The following ADARB2 variants were observed in gnomAD, a reference collection of about 807,000 sequenced individuals.
ADARB2 encodes the protein inactive double-stranded RNA-specific editase B2.
ADARB2 carries 25 observed loss-of-function variants against 62.2 expected under a neutral mutation model. That is an observed-to-expected ratio of 0.40 (90% CI 0.29 to 0.56). ADARB2 has a LOEUF of 0.56. Ranked by LOEUF, ADARB2 falls within the 20% of genes least tolerant of loss-of-function variation. The probability of loss-of-function intolerance (pLI) is 0.43; values close to 1 mark genes in which losing one functional copy is unlikely to be tolerated. For missense variants in ADARB2, 1,071 were observed against 1,077.4 expected, an observed-to-expected ratio of 0.99 and a Z score of 0.08; for synonymous variants, 572 against 500.8, an observed-to-expected ratio of 1.14 and a Z score of -1.90.
intron 1 of ADARB2, among the ~76,000 whole-genome samples, chr10:1,608,130 T>A (rs1684050556): frequency 6.6e-6 from 1 of 152,206 alleles, no homozygotes; most frequent in Non-Finnish European, 1.5e-5. Flanking sequence ...ACAAGATCCA[T>A]GCAAATGGAA....
At chr10:1,732,398 C>G (rs1835245999) in intron 1 of ADARB2, among the ~76,000 whole-genome samples, 1 of 151,974 alleles carries the variant, frequency 6.6e-6, no homozygotes, top group Non-Finnish European at 1.5e-5. Flanking sequence ...CCGAGTCACC[C>G]CTGTTTAGAT....
At chr10:1,624,635 AC>A (rs1833745012) in intron 1 of ADARB2, among the ~76,000 whole-genome samples, 1 of 152,152 alleles carries the variant, frequency 6.6e-6, no homozygotes, top group African/African-American at 2.4e-5. Context: ...TTTTTAAGAG[AC>A]TGACACATGT....
At chr10:1,479,661 C>T (rs570953189) in intron 1 of ADARB2, among the ~76,000 whole-genome samples, 5 of 152,270 alleles carry the variant, frequency 3.3e-5, no homozygotes, top group South Asian at 2.1e-4. Context: ...AGAGGGGTGG[C>T]GGCTCCAACA....
chr10:1,202,019 A>T (rs1836993648), intron 7 of ADARB2, among the ~76,000 whole-genome samples: 2 of 152,172 alleles, frequency 1.3e-5, no homozygotes, highest in Admixed American at 1.3e-4. Flanking sequence ...CCGATAAGTC[A>T]GAGAATGGCA....
intron 2 of ADARB2, among the ~76,000 whole-genome samples, chr10:1,369,761 G>A (rs1037953653): frequency 3.9e-5 from 6 of 152,220 alleles, no homozygotes; most frequent in Non-Finnish European, 2.9e-5. Context: ...CGCCCCTCCT[G>A]AGTCATCCCC....
intron 1 of ADARB2, among the ~76,000 whole-genome samples, chr10:1,706,883 C>T (rs1278673627): frequency 1.3e-4 from 6 of 47,562 alleles, no homozygotes; most frequent in Non-Finnish European, 3.6e-4. Flanking sequence ...GAGTGGTGAA[C>T]GGCAGGAAGT....
rs765487943 is a variant in ADARB2 at position 1,233,754 on chromosome 10, C to G, written c.1453G>C (p.Val485Leu). Residue 485 changes from valine to leucine, a missense_variant, in exon 6 of 10, where the codon GTG becomes CTG. Physicochemically the swap from Val to Leu is conservative, Grantham distance 32 (BLOSUM62 1). Transcript: ENST00000381312. ...LRENILFHLYVSTSPCGDARL... is the reference protein window; with the variant it reads ...LRENILFHLYLSTSPCGDARL... ...GCGTCTCCACAGGGGGAGGTGCTCA[C>G]GTAGAGATGGAAGAGGATGTTCTCT... 9.3e-6 allele frequency: 15 copies of G among 1,613,772 alleles called. No individual in the cohort carries two copies. The highest frequency in any genetic ancestry group is 1.7e-5 in the Admixed American group (1 of 59,990).
rs199792752 is a variant in ADARB2, at chr10:1,441,087, TAG to T, written c.101-61929_101-61928del. On this transcript the variant is annotated intron_variant, in intron 1 of 9. Transcript: ENST00000381312. ...CATTTCCCTAAGTAGGACTGTCAGG[TAG>T]ACCAGATGTCAGCTTTTGCATCTGT... Among the ~76,000 whole-genome samples the T allele has an allele frequency of 5.9e-5, 9 of 152,366 alleles. No homozygotes were observed. The East Asian group carries it at 1.7e-3, about 29-fold the overall frequency.
chr10:1,234,680 G>C (rs946196738), intron 5 of ADARB2, among the ~76,000 whole-genome samples: 1 of 148,326 alleles, frequency 6.7e-6, no homozygotes, highest in African/African-American at 2.5e-5. Context: ...GAGCTCAAGC[G>C]ATCCACTTGC....
chr10:1,706,855 A>T (rs892002987), intron 1 of ADARB2, among the ~76,000 whole-genome samples: 3 of 150,582 alleles, frequency 2.0e-5, no homozygotes, highest in African/African-American at 4.9e-5. Flanking sequence ...ACTGAGGACA[A>T]CCTCTCCAGG....
At chr10:1,711,856 G>C (rs529144861) in intron 1 of ADARB2, among the ~76,000 whole-genome samples, 15 of 152,288 alleles carry the variant, frequency 9.8e-5, no homozygotes, top group African/African-American at 3.4e-4. Flanking sequence ...GGCTATTCCA[G>C]GTTCTAGTAG....
chr10:1,519,976 C>T (rs1454832417), intron 1 of ADARB2, among the ~76,000 whole-genome samples: 1 of 152,178 alleles, frequency 6.6e-6, no homozygotes, highest in African/African-American at 2.4e-5. Flanking sequence ...AAATCCTTTC[C>T]TCTAGAATGA....
intron 1 of ADARB2, among the ~76,000 whole-genome samples, chr10:1,568,277 G>T (rs1264817163): frequency 6.6e-6 from 1 of 152,170 alleles, no homozygotes; most frequent in Non-Finnish European, 1.5e-5. Flanking sequence ...TGGGACCACG[G>T]CTGCCAGGAA....
At chr10:1,496,937 A>G (rs891214305) in intron 1 of ADARB2, among the ~76,000 whole-genome samples, 6 of 152,178 alleles carry the variant, frequency 3.9e-5, no homozygotes, top group Non-Finnish European at 7.4e-5. Context: ...ACAACCACAT[A>G]TTAAGAGGTC....
intron 3 of ADARB2, among the ~76,000 whole-genome samples, chr10:1,317,782 T>C (rs2039942951): frequency 6.6e-6 from 1 of 151,488 alleles, no homozygotes; most frequent in South Asian, 2.1e-4. Flanking sequence ...TGTGTGGCTC[T>C]GGTCTCTGTG....
chr10:1,505,029 A>G (rs549826239), intron 1 of ADARB2, among the ~76,000 whole-genome samples: 1 of 152,114 alleles, frequency 6.6e-6, no homozygotes, highest in Admixed American at 6.5e-5. Flanking sequence ...ACACAGACAC[A>G]GCCACACATG....
At chr10:1,200,307 A>G in intron 7 of ADARB2, 160 bp from the exon 8 acceptor site, 1 of 893,094 alleles carries the variant, frequency 1.1e-6, no homozygotes, top group Non-Finnish European at 1.8e-6. Flanking sequence ...CCCAGCCATC[A>G]CTGGGGCTCT....
intron 1 of ADARB2, among the ~76,000 whole-genome samples, chr10:1,438,237 A>G (rs118089843): frequency 0.072 from 10,554 of 146,500 alleles, 513 homozygotes; most frequent in East Asian, 0.22. Flanking sequence ...AGTGGACGGA[A>G]GCAGGTTCTT....
chr10:1,594,450 C>G (rs569787611), intron 1 of ADARB2, among the ~76,000 whole-genome samples: 27 of 152,086 alleles, frequency 1.8e-4, no homozygotes, highest in Non-Finnish European at 3.4e-4. Flanking sequence ...ATTTTCACCT[C>G]AAGTCTCCAA....
Sources: allele counts gnomAD v4.1 joint callset (sites outside exome capture counted in the v4.1 genomes callset), GRCh38; gene constraint gnomAD v4.1.1; transcripts MANE v1.5; gene names NCBI Gene and HGNC (gene_info 2026-07-23, HGNC 2026-07-21).